The following NEB variants were observed in gnomAD, a reference collection of about 807,000 sequenced individuals.
The protein encoded by NEB is nebulin.
Under a neutral mutation model 952.2 loss-of-function variants are expected in NEB, and 512 were observed. The ratio of observed to expected loss-of-function variants is 0.54; its 90% CI spans 0.50 to 0.58. The LOEUF (loss-of-function observed/expected upper bound fraction) is 0.58, where lower values mean the gene tolerates loss of function less well. Among genes scored for constraint, NEB ranks in the 20% least tolerant of loss-of-function variants. The pLI, the probability that NEB is intolerant of heterozygous loss-of-function variation, is 0.00. For synonymous variants in NEB, 2,900 were observed against 3,149.8 expected (o/e 0.92, Z 2.66); for missense variants, 8,428 against 9,231.1 (o/e 0.91, Z 3.56).
chr2:151,691,878 C>T lies in NEB; in HGVS notation c.2197G>A (p.Asp733Asn), dbSNP rs1225880565. 1 of 1,596,386 alleles carries T rather than the reference C, an allele frequency of 6.3e-7. No homozygotes were observed. Among genetic ancestry groups the T allele is most frequent in the Admixed American group, 1.8e-5 (1 of 57,096 alleles). ...TQEYEAIKKL[D>N]QCKDHTYKVH... ...AGCTAACTTACATCTTTACACTGGT[C>T]CAGCTTCTTGATTGCTTCATATTCT... is the stretch of plus-strand genomic sequence containing the variant. The change falls in exon 23 of 182, where the codon GAC (aspartate) becomes AAC (asparagine). Residue 733 changes from aspartate to asparagine, a missense_variant. Asp to Asn is a conservative substitution (Grantham distance 23). This residue lies in a region of NEB where 2,851 missense variants were observed against 2,791.5 expected (regional missense o/e 1.02). Coordinates refer to ENST00000397345, the MANE Select transcript of NEB (RefSeq NM_001164508.2).
chr2:151,616,410 C>T (rs191932021), intron 75 of NEB, among the ~76,000 whole-genome samples: 37 of 152,194 alleles, frequency 2.4e-4, no homozygotes, highest in Non-Finnish European at 4.3e-4. Flanking sequence ...ATTTACTGGC[C>T]GGGCGTGGTG....
Position 151,501,498 on chromosome 2 carries a change from C to A in NEB, c.23929-15G>T. 1 of 1,425,750 alleles carries A rather than the reference C, an allele frequency of 7.0e-7. No homozygotes were observed. Among genetic ancestry groups the A allele is most frequent in the Non-Finnish European group, 9.4e-7 (1 of 1,068,404 alleles). 88.3% of individuals were successfully genotyped at this position (1,425,750 alleles called of 1,614,324 possible). On this transcript the variant is annotated splice_polypyrimidine_tract_variant and intron_variant, in intron 167 of 181. Coordinates refer to ENST00000397345, the MANE Select transcript of NEB (RefSeq NM_001164508.2). ...TTGTACAATATCTGTGTGCACAAAA[C>A]CAACAAACAAATCAACCTGGACCCA...
rs748525509 is a variant in NEB at position 151,490,043 on chromosome 2, T to G, written c.25332A>C (p.Gln8444His). 1 of 1,613,102 alleles carries G rather than the reference T, an allele frequency of 6.2e-7. No homozygotes were observed. The highest frequency in any genetic ancestry group is 1.1e-5 in the South Asian group (1 of 90,834). The change falls in exon 181 of 182, where the codon CAA (glutamine) becomes CAC (histidine). Residue 8444 changes from glutamine to histidine, a missense_variant. Around this residue, in one of 11 missense-constraint regions of NEB, gnomAD observed 3,374 missense variants for 3,651.5 expected, o/e 0.92. Transcript: ENST00000397345. ...GGGTAGCAACTGAAGATGATCGTTG[T>G]TGTGGGAGCTCTGTGGTTTTTGCAT... ...YKHAKTTELPQQRSSSVATQQ... is the reference protein window; with the variant it reads ...YKHAKTTELPHQRSSSVATQQ...
Position 151,565,039 on chromosome 2 carries a change from CT to C in NEB, c.18471+4del, listed in dbSNP as rs768931127. 6.6e-7 allele frequency: 1 copy of C among 1,508,850 alleles called. No homozygotes were observed. Among genetic ancestry groups the C allele is most frequent in the Non-Finnish European group, 9.1e-7 (1 of 1,096,490 alleles). The allele number at this position is 1,508,850 out of a possible 1,614,324, so 93.5% of individuals were successfully genotyped here. A position where few individuals can be genotyped will look rare whatever the true frequency, so the allele number is the denominator to read the frequency against. On this transcript the variant is annotated splice_donor_region_variant and intron_variant, in intron 117 of 181. Transcript: ENST00000397345. ...TGAGTGGTTATTACATAAAAGAGAACTTACAGTACTGTAGAGTTTTCCCATG... is the reference window on the plus strand; with the variant it reads ...TGAGTGGTTATTACATAAAAGAGAACTACAGTACTGTAGAGTTTTCCCATG...
At chr2:151,703,272 T>C (rs1271889825) in intron 13 of NEB, among the ~76,000 whole-genome samples, 1 of 94,582 alleles carries the variant, frequency 1.1e-5, no homozygotes, top group Non-Finnish European at 2.2e-5. Flanking sequence ...ACCCGACCTT[T>C]CTCTCTGGCT....
intron 161 of NEB, among the ~76,000 whole-genome samples, chr2:151,509,427 A>G (rs77534070): frequency 0.017 from 2,520 of 152,254 alleles, 106 homozygotes; most frequent in East Asian, 0.14. Context: ...AGCAAAAGCT[A>G]CCTCAACTGG....
In NEB at chr2:151,692,085, T is replaced by C. The variant is rs759702416; in HGVS notation, c.2080A>G (p.Met694Val). The change falls in exon 22 of 182, where the codon ATG becomes GTG. Residue 694 changes from methionine (M) to valine (V), a missense_variant. Physicochemically the swap from Met to Val is conservative, Grantham distance 21 (BLOSUM62 1). Around this residue, in one of 11 missense-constraint regions of NEB, gnomAD observed 2,851 missense variants for 2,791.5 expected, o/e 1.02. Coordinates refer to ENST00000397345, the MANE Select transcript of NEB (RefSeq NM_001164508.2). ...TCACTGTTTTGAGCTGCAACTTTCA[T>C]GCAGTGTGTGTGATATGGGTCCTCC... ...SMEDPYHTHC[M>V]KVAAQNSDKS... 1.9e-6 allele frequency: 3 copies of C among 1,613,908 alleles called. No homozygotes were observed. The highest frequency in any genetic ancestry group is 1.7e-5 in the Admixed American group (1 of 60,000).
intron 170 of NEB, 59 bp downstream of exon 170, chr2:151,498,201 T>TAAAG (rs771048639): frequency 3.2e-6 from 5 of 1,548,972 alleles, no homozygotes; most frequent in African/African-American, 2.7e-5. Context: ...TAAATAAATG[T>TAAAG]AAAGATCAGT....
Position 151,621,006 on chromosome 2 carries a change from C to T in NEB, c.10473G>A (p.Met3491Ile). 1 of 1,610,486 alleles carries T rather than the reference C, an allele frequency of 6.2e-7. No homozygotes were observed. The highest frequency in any genetic ancestry group is 8.5e-7 in the Non-Finnish European group (1 of 1,178,202). Residue 3491 changes from methionine (M) to isoleucine (I), a missense_variant, in exon 72 of 182, where the codon ATG (methionine) becomes ATA (isoleucine). Met to Ile is a conservative substitution (Grantham distance 10, BLOSUM62 1). Transcript: ENST00000397345. ...CATAGCCTTCTTTCTTGGCTTCTTC[C>T]ATGGCCTGACGATAGAGGCTCTGAG... The part of the protein sequence containing the change: ...NYSESLYRQA[M>I]EEAKKEGYDL...
At chr2:151,728,809 G>C (rs1246476253) in intron 4 of NEB, among the ~76,000 whole-genome samples, 1 of 152,172 alleles carries the variant, frequency 6.6e-6, no homozygotes, top group Non-Finnish European at 1.5e-5. Flanking sequence ...AGAGAACCTA[G>C]TAAGGAAATT....
At chr2:151,640,241 A>G (rs1192243326) in intron 61 of NEB, 114 bp downstream of exon 61, 1 of 1,507,312 alleles carries the variant, frequency 6.6e-7, no homozygotes, top group Non-Finnish European at 9.0e-7. Flanking sequence ...GATAAAGGCA[A>G]TGCTATTTGC....
intron 27 of NEB, among the ~76,000 whole-genome samples, chr2:151,686,768 A>G (rs1031690884): frequency 6.6e-6 from 1 of 152,196 alleles, no homozygotes; most frequent in Non-Finnish European, 1.5e-5. Context: ...TACACAATAT[A>G]TACTATAATT....
chr2:151,729,424 A>G (rs2099800360), intron 4 of NEB, among the ~76,000 whole-genome samples, 191 bp downstream of exon 4: 1 of 152,220 alleles, frequency 6.6e-6, no homozygotes, highest in South Asian at 2.1e-4. Context: ...TGAATAGGAA[A>G]AAAAGGTGAA....
intron 9 of NEB, among the ~76,000 whole-genome samples, chr2:151,721,491 C>T (rs947674454): frequency 1.3e-5 from 2 of 152,144 alleles, no homozygotes; most frequent in Non-Finnish European, 2.9e-5. Flanking sequence ...TCATCACCAC[C>T]CATGCCCTTG....
chr2:151,683,188 C>T (rs1329831942), intron 28 of NEB, among the ~76,000 whole-genome samples: 1 of 152,134 alleles, frequency 6.6e-6, no homozygotes, highest in East Asian at 1.9e-4. Flanking sequence ...TTCTAATTTC[C>T]TAATTGTATA....
chr2:151,677,842 T>TA (rs747553930), intron 33 of NEB, 34 bp downstream of exon 33: 8 of 1,606,208 alleles, frequency 5.0e-6, no homozygotes, highest in Non-Finnish European at 6.8e-6. Context: ...CTGAACTTAA[T>TA]AGGGGGGTTT....
At position 151,682,752 on chromosome 2, in the gene NEB, G is replaced by A; in HGVS notation, c.2853C>T (p.Asp951=). The A allele has an allele frequency of 6.2e-7, 1 of 1,613,004 alleles. No individual in the cohort carries two copies. The highest frequency in any genetic ancestry group is 8.5e-7 in the Non-Finnish European group (1 of 1,179,368). Residue 951 remains aspartate (D), a synonymous_variant, in exon 29 of 182, where the codon GAC becomes GAT. Coordinates refer to ENST00000397345, the MANE Select transcript of NEB (RefSeq NM_001164508.2). ...ALQSDVEYKA[D]YNSWMKGCGW... is the part of the protein sequence containing the mutation. The stretch of plus-strand genomic sequence containing the variant: ...CACAACCTTTCATCCAGCTATTGTA[G>A]TCAGCTTTGTATTCAACCTAAAACA...
Position 151,665,976 on chromosome 2 carries a change from T to C in NEB, c.5031+114A>G, listed in dbSNP as rs1010292463. On this transcript the variant is annotated intron_variant, in intron 41 of 181. Coordinates refer to ENST00000397345, the MANE Select transcript of NEB (RefSeq NM_001164508.2). The stretch of plus-strand genomic sequence containing the variant: ...AGTGAAATCCTAAAACTCTGAGTTC[T>C]GGAGGGAATCCTTAATTACAGTGAG... 15 of 1,116,098 alleles carry C rather than the reference T, an allele frequency of 1.3e-5. No individual in the cohort carries two copies. In the African/African-American group the frequency reaches 1.9e-4, roughly 14 times the overall value. 69.1% of individuals were successfully genotyped at this position (1,116,098 alleles called of 1,614,324 possible).
chr2:151,676,975 T>C (rs2099365299), intron 34 of NEB, among the ~76,000 whole-genome samples: 1 of 152,220 alleles, frequency 6.6e-6, no homozygotes. Flanking sequence ...ATCTTCTGTA[T>C]ACCAAACTTT....
Sources: allele counts gnomAD v4.1 joint callset (sites outside exome capture counted in the v4.1 genomes callset), GRCh38; gene constraint gnomAD v4.1.1; regional missense constraint gnomAD v4.1.1; transcripts MANE v1.5; gene names NCBI Gene and HGNC (gene_info 2026-07-23, HGNC 2026-07-21).